GPHN: variants seen among roughly 807,000 people sequenced by gnomAD.
GPHN encodes gephyrin.
A neutral mutation model predicts 95.5 loss-of-function variants in GPHN; 17 were observed. The observed-to-expected ratio is 0.18, with a 90% CI of 0.12 to 0.27. The LOEUF is 0.27. Among genes scored for constraint, GPHN ranks in the 10% least tolerant of loss-of-function variants. GPHN has a pLI of 1.00. For missense variants in GPHN, 660 were observed against 978.1 expected (o/e 0.67, Z 4.34); for synonymous variants, 320 against 322.5 (o/e 0.99, Z 0.08).
At chr14:67,067,963 A>G (rs1351492922) in intron 11 of GPHN, among the ~76,000 whole-genome samples, 2 of 152,164 alleles carry the variant, frequency 1.3e-5, no homozygotes, top group Non-Finnish European at 2.9e-5. Flanking sequence ...GGCTGCACCC[A>G]CTGTCCAACC....
intron 16 of GPHN, among the ~76,000 whole-genome samples, chr14:67,119,346 G>T (rs1049045265): frequency 6.6e-6 from 1 of 152,206 alleles, no homozygotes. Flanking sequence ...GGCTTTCACA[G>T]AAATTCAGAC....
chr14:67,516,416 A>T, the GPHN span, among the ~76,000 whole-genome samples: 2 of 152,014 alleles, frequency 1.3e-5, no homozygotes, highest in African/African-American at 4.8e-5. Context: ...AAATGAGGAG[A>T]GGGACAACAA....
At chr14:67,586,445 T>G in the GPHN span, 1 of 1,305,460 alleles carries the variant, frequency 7.7e-7, no homozygotes, top group Admixed American at 2.3e-5. Context: ...GCAGGGCAGA[T>G]TCCTCTTTAA....
In GPHN at chr14:66,579,183, A is replaced by G. The variant is rs75597156; in HGVS notation, c.64+70592A>G. Among the ~76,000 whole-genome samples, 552 of 151,974 alleles carry G rather than the reference A, an allele frequency of 3.6e-3. 11 individuals carry two copies. Among genetic ancestry groups the G allele is most frequent in the African/African-American group, 0.013 (525 of 41,538 alleles). On this transcript the variant is annotated intron_variant, in intron 1 of 22. Transcript: ENST00000478722. ...TTATGTAAGCCTCATGGTAACCACA[A>G]AAGAAAGAGCTACAGTAGATACATA...
chr14:67,671,403 G>C, the GPHN span, among the ~76,000 whole-genome samples: 1 of 152,082 alleles, frequency 6.6e-6, no homozygotes, highest in Non-Finnish European at 1.5e-5. Flanking sequence ...GCATGCGCCT[G>C]TAATCCCAGC....
chr14:67,536,925 C>T, the GPHN span, among the ~76,000 whole-genome samples: 16 of 146,896 alleles, frequency 1.1e-4, 1 homozygote, highest in East Asian at 1.6e-3. Flanking sequence ...CTGTAATCCC[C>T]GCTACTCAGG....
chr14:67,096,942 T>C (rs566049044), intron 12 of GPHN, among the ~76,000 whole-genome samples: 2 of 152,276 alleles, frequency 1.3e-5, no homozygotes, highest in South Asian at 4.1e-4. Flanking sequence ...TATATATGGA[T>C]CAGCAAAAAG....
At chr14:66,529,977 G>A (rs11621188) in intron 1 of GPHN, among the ~76,000 whole-genome samples, 19,733 of 152,208 alleles carry the variant, frequency 0.13, 1,796 homozygotes, top group East Asian at 0.37. Context: ...CAAGCACTGT[G>A]CTGGGGGATC....
chr14:67,722,758 C>T, the GPHN span: 1 of 1,461,384 alleles, frequency 6.8e-7, no homozygotes, highest in Non-Finnish European at 9.6e-7. Flanking sequence ...AAGACCTGCA[C>T]TGGAAGCCGG....
the GPHN span, among the ~76,000 whole-genome samples, chr14:67,496,035 A>G: frequency 2.0e-5 from 3 of 152,314 alleles, no homozygotes; most frequent in African/African-American, 7.2e-5. Flanking sequence ...GATAACGCAC[A>G]GCCAAACAGC....
chr14:67,055,759 C>G (rs1441941606), intron 10 of GPHN, among the ~76,000 whole-genome samples: 1 of 152,182 alleles, frequency 6.6e-6, no homozygotes, highest in Non-Finnish European at 1.5e-5. Flanking sequence ...CGCGGACCCT[C>G]GCAGTGAGTG....
chr14:67,691,277 G>T, the GPHN span: 3 of 1,471,000 alleles, frequency 2.0e-6, no homozygotes, highest in East Asian at 2.3e-5. Context: ...CGTGGAAGTG[G>T]CTAGCCAAGG....
chr14:67,331,805 A>G, the GPHN span, among the ~76,000 whole-genome samples: 1 of 152,120 alleles, frequency 6.6e-6, no homozygotes, highest in Non-Finnish European at 1.5e-5. Flanking sequence ...TTCTTCCAAT[A>G]ATCTTGAGCT....
chr14:67,648,293 T>C, the GPHN span: 1 of 1,283,386 alleles, frequency 7.8e-7, no homozygotes. Flanking sequence ...GAGTTTGTTT[T>C]TGCTTAAACT....
chr14:67,604,236 T>C, the GPHN span, among the ~76,000 whole-genome samples: 1 of 152,254 alleles, frequency 6.6e-6, no homozygotes, highest in Non-Finnish European at 1.5e-5. Flanking sequence ...TAAGGAAATG[T>C]TTTAATTGAG....
At chr14:66,668,878 T>G (rs543214161) in intron 1 of GPHN, among the ~76,000 whole-genome samples, 1 of 148,826 alleles carries the variant, frequency 6.7e-6, no homozygotes, top group East Asian at 2.0e-4. Context: ...TTCCTGCTGT[T>G]TTTTTTTTTT....
At chr14:67,647,949 CA>C in the GPHN span, 1 of 1,198,290 alleles carries the variant, frequency 8.3e-7, no homozygotes, top group Non-Finnish European at 1.2e-6. Context: ...GGACTAATAG[CA>C]ACAAAATCAA....
chr14:67,290,597 C>T, the GPHN span, among the ~76,000 whole-genome samples: 1 of 152,190 alleles, frequency 6.6e-6, no homozygotes, highest in Non-Finnish European at 1.5e-5. Context: ...AGGATCTCAC[C>T]ATGTTGCCCA....
intron 4 of GPHN, among the ~76,000 whole-genome samples, chr14:66,837,265 T>TA (rs1214559318): frequency 2.6e-5 from 4 of 151,524 alleles, no homozygotes; most frequent in African/African-American, 7.3e-5. Flanking sequence ...TATGCAGCCA[T>TA]AAAAAATGAT....
Sources: gnomAD v4.1 joint callset for allele counts (sites outside exome capture counted in the v4.1 genomes callset) on GRCh38, gnomAD v4.1.1 for gene constraint, MANE v1.5 for transcripts, NCBI Gene and HGNC (gene_info 2026-07-23, HGNC 2026-07-21) for gene names.